Variants in CEP128 observed in about 807,000 individuals in gnomAD.
CEP128 encodes centrosomal protein 128kDa.
A neutral mutation model predicts 156.7 loss-of-function variants in CEP128; 132 were observed. That is an observed-to-expected ratio of 0.84 (90% CI 0.73 to 0.97). The LOEUF is 0.97. Among genes scored for constraint, CEP128 ranks in the 50% least tolerant of loss-of-function variants. CEP128 has a pLI of 0.00. For missense variants in CEP128, 1,252 were observed against 1,281.9 expected, an observed-to-expected ratio of 0.98 and a Z score of 0.36; for synonymous variants, 469 against 448.9, an observed-to-expected ratio of 1.04 and a Z score of -0.57.
At chr14:80,567,059 T>C (rs557874577) in intron 20 of CEP128, among the ~76,000 whole-genome samples, 56 of 152,122 alleles carry the variant, frequency 3.7e-4, no homozygotes, top group Non-Finnish European at 6.9e-4. Context: ...GCAGAAACAA[T>C]CACAGGATTT....
intron 19 of CEP128, among the ~76,000 whole-genome samples, chr14:80,701,088 G>C (rs967086647): frequency 6.6e-6 from 1 of 152,102 alleles, no homozygotes; most frequent in Non-Finnish European, 1.5e-5. Flanking sequence ...GCAGAGCAGG[G>C]GTCCAGCTTC....
At chr14:80,679,752 G>A (rs562535467) in intron 19 of CEP128, among the ~76,000 whole-genome samples, 2 of 151,030 alleles carry the variant, frequency 1.3e-5, no homozygotes, top group African/African-American at 4.8e-5. Context: ...TTTGAAGCAG[G>A]TGATCTTTGT....
intron 19 of CEP128, among the ~76,000 whole-genome samples, chr14:80,722,817 T>C (rs1199816764): frequency 7.3e-6 from 1 of 137,642 alleles, no homozygotes; most frequent in African/African-American, 2.8e-5. Context: ...AGGTTACTCT[T>C]TATCTTTTTT....
At chr14:80,801,784 T>C (rs1883871145) in intron 13 of CEP128, among the ~76,000 whole-genome samples, 1 of 151,636 alleles carries the variant, frequency 6.6e-6, no homozygotes, top group South Asian at 2.1e-4. Context: ...GGTGGGTGCC[T>C]GTAGTCCCAG....
chr14:80,722,502 T>C (rs1897855138), intron 19 of CEP128, among the ~76,000 whole-genome samples: 1 of 151,810 alleles, frequency 6.6e-6, no homozygotes, highest in Admixed American at 6.6e-5. Context: ...TACATATTTA[T>C]ATATTACAGA....
chr14:80,654,623 T>C (rs535577686), intron 19 of CEP128, among the ~76,000 whole-genome samples: 6 of 152,328 alleles, frequency 3.9e-5, no homozygotes, highest in Admixed American at 6.5e-5. Context: ...ATTAGTGACC[T>C]AACTGCCAAG....
At chr14:80,834,171 T>C (rs1421047342) in intron 12 of CEP128, among the ~76,000 whole-genome samples, 2 of 152,218 alleles carry the variant, frequency 1.3e-5, no homozygotes, top group Admixed American at 6.5e-5. Flanking sequence ...ATGAGTAGGA[T>C]AGTAGGCAAA....
In CEP128 at chr14:80,535,017, A is replaced by G. The variant is rs572842899; in HGVS notation, c.2881-4131T>C. On this transcript the variant is annotated intron_variant, in intron 21 of 24. Transcript: ENST00000555265. ...TTCATAAAGGGCCAGTACATTGTGT[A>G]TATTTGGTTTATCTCAGAGGCTAGA... Among the ~76,000 whole-genome samples the G allele has an allele frequency of 3.9e-5, 6 of 152,276 alleles. No homozygotes were observed. In the East Asian group the frequency reaches 1.2e-3, roughly 29 times the overall value.
At chr14:80,578,164 T>C (rs1317581949) in intron 20 of CEP128, among the ~76,000 whole-genome samples, 1 of 152,172 alleles carries the variant, frequency 6.6e-6, no homozygotes, top group Non-Finnish European at 1.5e-5. Context: ...CACTGATTTT[T>C]ATAGTCTTCA....
At chr14:80,685,225 G>A (rs1175831680) in intron 19 of CEP128, among the ~76,000 whole-genome samples, 1 of 151,936 alleles carries the variant, frequency 6.6e-6, no homozygotes, top group East Asian at 1.9e-4. Flanking sequence ...AGGCTACTGG[G>A]ACTGATAAAC....
At chr14:80,673,739 C>G (rs1479586461) in intron 19 of CEP128, among the ~76,000 whole-genome samples, 1 of 150,030 alleles carries the variant, frequency 6.7e-6, no homozygotes, top group Non-Finnish European at 1.5e-5. Context: ...TCCTGGTCTA[C>G]CTTTGGTTTT....
chr14:80,875,790 T>G (rs1480188239), intron 8 of CEP128, among the ~76,000 whole-genome samples: 3 of 152,150 alleles, frequency 2.0e-5, no homozygotes, highest in African/African-American at 7.2e-5. Context: ...CTAAAGGGAA[T>G]TTTAAAATAT....
chr14:80,781,339 C>A lies in CEP128; in HGVS notation c.2212-3293G>T, dbSNP rs547424829. Among the ~76,000 whole-genome samples the A allele has an allele frequency of 2.6e-5, 4 of 152,000 alleles. No individual in the cohort carries two copies. The South Asian group carries it at 8.3e-4, about 32-fold the overall frequency. ...GGGCGTGGTGGTGCGCACCTGTAGT[C>A]CCAGCTACTTGGGAGGCTGAGGCAG... On this transcript the variant is annotated intron_variant, in intron 15 of 24. Transcript: ENST00000555265.
intron 19 of CEP128, among the ~76,000 whole-genome samples, chr14:80,618,957 A>T (rs946078800): frequency 9.8e-5 from 15 of 152,318 alleles, no homozygotes; most frequent in Non-Finnish European, 2.2e-4. Flanking sequence ...ATCATTAGTG[A>T]AAAGGGTCCT....
chr14:80,654,126 G>A (rs967049136), intron 19 of CEP128, among the ~76,000 whole-genome samples: 1 of 152,160 alleles, frequency 6.6e-6, no homozygotes, highest in African/African-American at 2.4e-5. Context: ...TCAGGAGGAA[G>A]AGATAGGCAT....
intron 13 of CEP128, among the ~76,000 whole-genome samples, chr14:80,805,839 C>A (rs1471857361): frequency 6.6e-6 from 1 of 152,192 alleles, no homozygotes. Context: ...CTAAATTAGG[C>A]TGTCATTCAT....
At chr14:80,551,915 C>A (rs1890224932) in intron 21 of CEP128, among the ~76,000 whole-genome samples, 2 of 152,102 alleles carry the variant, frequency 1.3e-5, no homozygotes, top group Admixed American at 1.3e-4. Flanking sequence ...CTAAAGAAGG[C>A]CAGCAGGCAC....
At chr14:80,918,916 A>C (rs1424395776) in intron 2 of CEP128, among the ~76,000 whole-genome samples, 3 of 152,160 alleles carry the variant, frequency 2.0e-5, no homozygotes, top group Non-Finnish European at 2.9e-5. Flanking sequence ...TTGTTTCCTT[A>C]TTCCTTTTAT....
intron 19 of CEP128, among the ~76,000 whole-genome samples, chr14:80,616,939 G>C (rs2140626445): frequency 6.6e-6 from 1 of 152,274 alleles, no homozygotes; most frequent in Admixed American, 6.5e-5. Context: ...ACAGAGCAAA[G>C]ACTAGTGATA....
Sources: gnomAD v4.1 joint callset for allele counts (sites outside exome capture counted in the v4.1 genomes callset) on GRCh38, gnomAD v4.1.1 for gene constraint, MANE v1.5 for transcripts, NCBI Gene and HGNC (gene_info 2026-07-23, HGNC 2026-07-21) for gene names.